The following ARID1B variants were observed in gnomAD, a reference collection of about 807,000 sequenced individuals.
The protein encoded by ARID1B is AT-rich interaction domain 1B.
ARID1B carries 30 observed loss-of-function variants against 212.3 expected under a neutral mutation model. The observed-to-expected ratio is 0.14, with a 90% CI of 0.11 to 0.19. The LOEUF (loss-of-function observed/expected upper bound fraction) is 0.19. Among genes scored for constraint, ARID1B ranks in the 10% least tolerant of loss-of-function variants. ARID1B has a pLI of 1.00. For missense variants in ARID1B, 2,891 were observed against 3,204.0 expected, an observed-to-expected ratio of 0.90 and a Z score of 2.36; for synonymous variants, 1,402 against 1,301.7, an observed-to-expected ratio of 1.08 and a Z score of -1.66.
chr6:157,098,080 T>C (rs546227775), intron 5 of ARID1B, among the ~76,000 whole-genome samples: 4 of 152,076 alleles, frequency 2.6e-5, no homozygotes, highest in Non-Finnish European at 5.9e-5. Context: ...AAAAAAGGAA[T>C]CTTAGAAAGA....
chr6:156,811,548 C>T (rs376853812), intron 1 of ARID1B, among the ~76,000 whole-genome samples: 6 of 152,252 alleles, frequency 3.9e-5, no homozygotes, highest in African/African-American at 1.4e-4. Context: ...GGCCTCTTCC[C>T]TGGGCTTTTA....
intron 4 of ARID1B, chr6:156,936,095 C>T (rs1035313549): frequency 3.3e-5 from 5 of 152,754 alleles, no homozygotes; most frequent in Admixed American, 2.0e-4. Context: ...GTAATCCCAG[C>T]TCTTTGGGAG....
rs541472159 is a variant in ARID1B at position 156,797,824 on chromosome 6, G to A, written c.1791+18353G>A. Among the ~76,000 whole-genome samples, 7 of 152,338 alleles carry A rather than the reference G, an allele frequency of 4.6e-5. No homozygotes were observed. In the East Asian group the frequency reaches 1.3e-3, roughly 29 times the overall value. ...CCAATGACACTGCCCTGCGGAGCAC[G>A]TGCCTGGTGAGGAGAGGTGCCTGGG... On this transcript the variant is annotated intron_variant, in intron 1 of 19. Coordinates refer to ENST00000636930, the MANE Select transcript of ARID1B (RefSeq NM_001374828.1).
intron 4 of ARID1B, among the ~76,000 whole-genome samples, chr6:157,018,634 T>C (rs1187404916): frequency 6.6e-6 from 1 of 152,234 alleles, no homozygotes; most frequent in Non-Finnish European, 1.5e-5. Flanking sequence ...ATCTGAAGTT[T>C]TGGATTTCTG....
chr6:157,175,046 T>G (rs768172716), intron 11 of ARID1B, 41 bp downstream of exon 11: 1 of 1,329,334 alleles, frequency 7.5e-7, no homozygotes, highest in Non-Finnish European at 9.7e-7. Flanking sequence ...TTGTTTTTTG[T>G]TTTTTTGGGG....
chr6:157,180,877 T>C (rs1792463722), intron 11 of ARID1B, 92 bp from the exon 12 acceptor site: 1 of 1,050,762 alleles, frequency 9.5e-7, no homozygotes, highest in Admixed American at 2.3e-5. Flanking sequence ...CTTCTCTTCT[T>C]GTATTTGTTA....
intron 9 of ARID1B, chr6:157,173,765 A>G (rs1351885972): frequency 5.4e-6 from 2 of 369,088 alleles, no homozygotes; most frequent in Non-Finnish European, 9.7e-6. Context: ...TGACCTTCAT[A>G]GGTTTGGGTC....
Position 157,200,812 on chromosome 6 carries a change from G to A in ARID1B, c.4587G>A (p.Gln1529=), listed in dbSNP as rs1794045143. The change falls in exon 18 of 20, where the codon CAG becomes CAA. Residue 1529 remains glutamine (Q), a synonymous_variant. Coordinates refer to ENST00000636930, the MANE Select transcript of ARID1B (RefSeq NM_001374828.1). The surrounding 1 kb of genome is among the most constrained non-coding windows in gnomAD (Gnocchi z 4.3). ...YSSQQQEMYN[Q]YGGSYSGPDR... ...GCCAGCAGCAGGAGATGTACAACCA[G>A]TATGGAGGCTCCTACTCGGGCCCGG... 1 of 1,614,158 alleles carries A rather than the reference G, an allele frequency of 6.2e-7. No homozygotes were observed. Among genetic ancestry groups the A allele is most frequent in the Non-Finnish European group, 8.5e-7 (1 of 1,180,022 alleles).
rs1374784056 is a variant in ARID1B, at chr6:157,174,921, C to A, written c.3420C>A (p.Pro1140=). The change falls in exon 11 of 20, where the codon CCC becomes CCA. Residue 1140 remains proline, a synonymous_variant. Transcript: ENST00000636930. ...TGCCAGTCCCTTCCCCAATGTCCCCCAGCTCTGCTAGCATCTCCTCATTTC... is the reference window on the plus strand; with the variant it reads ...TGCCAGTCCCTTCCCCAATGTCCCCAAGCTCTGCTAGCATCTCCTCATTTC... ...GNLPVPSPMS[P]SSASISSFHG... 1 of 1,547,560 alleles carries A rather than the reference C, an allele frequency of 6.5e-7. No individual in the cohort carries two copies. The highest frequency in any genetic ancestry group is 8.7e-7 in the Non-Finnish European group (1 of 1,146,042).
chr6:157,148,651 G>A lies in ARID1B; in HGVS notation c.2789G>A (p.Ser930Asn). ...AACTACTCCAGACCCCCAGCGTATA[G>A]TGGGGTGCCCAGTGCAAGCTACAGC... Reference protein sequence around the residue: ...QGNYSRPPAYSGVPSASYSGP... With the variant: ...QGNYSRPPAYNGVPSASYSGP... Residue 930 changes from serine to asparagine, a missense_variant, in exon 8 of 20, where the codon AGT (serine) becomes AAT (asparagine). By Grantham distance (46) the Ser-to-Asn change is conservative. Coordinates refer to ENST00000636930, the MANE Select transcript of ARID1B (RefSeq NM_001374828.1). The surrounding 1 kb of genome is among the most constrained non-coding windows in gnomAD (Gnocchi z 5.6). 1 of 1,601,014 alleles carries A rather than the reference G, an allele frequency of 6.2e-7. No individual in the cohort carries two copies. The highest frequency in any genetic ancestry group is 8.6e-7 in the Non-Finnish European group (1 of 1,169,532).
At chr6:157,106,391 G>C (rs1786486018) in intron 5 of ARID1B, among the ~76,000 whole-genome samples, 1 of 152,152 alleles carries the variant, frequency 6.6e-6, no homozygotes, top group South Asian at 2.1e-4. Flanking sequence ...GCTCGACTAG[G>C]GAACAATCTA....
intron 12 of ARID1B, among the ~76,000 whole-genome samples, chr6:157,183,320 G>A (rs1380423536): frequency 1.3e-5 from 2 of 152,126 alleles, no homozygotes; most frequent in Admixed American, 6.5e-5. Flanking sequence ...ATACACCACC[G>A]AGTACTAAGT....
At chr6:156,813,013 C>T (rs1336862632) in intron 1 of ARID1B, among the ~76,000 whole-genome samples, 2 of 138,622 alleles carry the variant, frequency 1.4e-5, no homozygotes, top group African/African-American at 2.7e-5. Context: ...CATATATATA[C>T]ACATACGTAT....
intron 4 of ARID1B, among the ~76,000 whole-genome samples, chr6:156,999,496 A>G (rs1215508643): frequency 6.6e-6 from 1 of 152,244 alleles, no homozygotes; most frequent in Non-Finnish European, 1.5e-5. Flanking sequence ...ATACAAAACA[A>G]GAGCTGCTGT....
chr6:157,114,523 CAAAAAAAAAAAAAA>C lies in ARID1B; in HGVS notation c.2581+3977_2581+3990del, dbSNP rs111845551. ...TGGGCGACAGAGCGACACTCCGTCTCAAAAAAAAAAAAAAAAAAAAAAAAAAAAGGTATATCATG... is the reference window on the plus strand; with the variant it reads ...TGGGCGACAGAGCGACACTCCGTCTCAAAAAAAAAAAAAAGGTATATCATG... On this transcript the variant is annotated intron_variant, in intron 6 of 19. Transcript: ENST00000636930. 9.9e-5 allele frequency among the ~76,000 whole-genome samples: 5 copies of C among 50,412 alleles called. No homozygotes were observed. In the East Asian group the frequency reaches 6.9e-3, roughly 69 times the overall value. 33.1% of individuals were successfully genotyped at this position (50,412 alleles called of 152,430 possible). A position where few individuals can be genotyped will look rare whatever the true frequency, so the allele number is the denominator to read the frequency against.
chr6:156,812,965 T>TACATAC (rs1781663489), intron 1 of ARID1B, among the ~76,000 whole-genome samples: 1 of 145,326 alleles, frequency 6.9e-6, no homozygotes, highest in South Asian at 2.2e-4. Flanking sequence ...TGTGTGTGTG[T>TACATAC]GTGTGTGTGT....
rs528918373 is a variant in ARID1B, at chr6:157,082,624, C to G, written c.2248-2038C>G. On this transcript the variant is annotated intron_variant, in intron 4 of 19. Transcript: ENST00000636930. Reference sequence around the variant, plus strand: ...GCTGCTCACAGGTACACTTGTAGCTCACTGTAGCCTTGAACTCCTGGGCTC... The same window carrying G: ...GCTGCTCACAGGTACACTTGTAGCTGACTGTAGCCTTGAACTCCTGGGCTC... 9.2e-5 allele frequency among the ~76,000 whole-genome samples: 14 copies of G among 152,280 alleles called. No individual in the cohort carries two copies. The East Asian group carries it at 2.7e-3, about 29-fold the overall frequency.
At chr6:157,067,536 G>A (rs1307767237) in intron 4 of ARID1B, among the ~76,000 whole-genome samples, 1 of 152,088 alleles carries the variant, frequency 6.6e-6, no homozygotes, top group East Asian at 1.9e-4. Context: ...TGCTTCTCGC[G>A]AAGGTTCCTC....
intron 4 of ARID1B, among the ~76,000 whole-genome samples, chr6:157,024,937 T>C (rs1363844520): frequency 1.3e-5 from 2 of 152,248 alleles, no homozygotes. Context: ...ATGCTTCAGA[T>C]CTGAAGGTTG....
Sources: allele counts gnomAD v4.1 joint callset (sites outside exome capture counted in the v4.1 genomes callset), GRCh38; gene constraint gnomAD v4.1.1; non-coding constraint Gnocchi (gnomAD v3.1); transcripts MANE v1.5; gene names NCBI Gene and HGNC (gene_info 2026-07-23, HGNC 2026-07-21).